The following KCNH7 variants were observed in gnomAD, a reference collection of about 807,000 sequenced individuals.
KCNH7 encodes voltage-gated inwardly rectifying potassium channel KCNH7.
Under a neutral mutation model 120.8 loss-of-function variants are expected in KCNH7, and 49 were observed. That is an observed-to-expected ratio of 0.41 (90% confidence interval 0.32 to 0.51). KCNH7 has a LOEUF of 0.51. Ranked by LOEUF, KCNH7 falls within the 20% of genes least tolerant of loss-of-function variation. The pLI is 0.38. For synonymous variants in KCNH7, 547 were observed against 516.1 expected (o/e 1.06, Z -0.81); for missense variants, 1,097 against 1,446.6 (o/e 0.76, Z 3.92).
intron 2 of KCNH7, among the ~76,000 whole-genome samples, chr2:162,807,270 A>AC (rs1472475926): frequency 7.1e-6 from 1 of 140,210 alleles, no homozygotes; most frequent in Non-Finnish European, 1.6e-5. Flanking sequence ...AAAAAAAAAA[A>AC]AAAAAAAAAA....
intron 2 of KCNH7, among the ~76,000 whole-genome samples, chr2:162,618,696 A>G (rs1683234569): frequency 6.6e-6 from 1 of 152,194 alleles, no homozygotes. Flanking sequence ...ATGTAAATAA[A>G]TTGATGGATC....
intron 9 of KCNH7, among the ~76,000 whole-genome samples, chr2:162,418,109 A>G (rs1274721773): frequency 1.3e-5 from 2 of 152,182 alleles, no homozygotes; most frequent in African/African-American, 4.8e-5. Flanking sequence ...CCTATCAACT[A>G]ATCTACATGC....
At chr2:162,823,597 C>G (rs544710233) in intron 2 of KCNH7, among the ~76,000 whole-genome samples, 23 of 152,140 alleles carry the variant, frequency 1.5e-4, no homozygotes, top group Non-Finnish European at 3.2e-4. Context: ...ATAACATAGT[C>G]TTTATTACAC....
chr2:162,397,715 G>A (rs1686955767), intron 10 of KCNH7, among the ~76,000 whole-genome samples: 1 of 151,798 alleles, frequency 6.6e-6, no homozygotes, highest in Non-Finnish European at 1.5e-5. Flanking sequence ...ATTTATTGAG[G>A]ACTAGTAGGT....
At position 162,423,386 on chromosome 2, in the gene KCNH7, C is replaced by T. The variant is rs767012676; in HGVS notation, c.2104G>A (p.Glu702Lys). Residue 702 changes from glutamate (E) to lysine (K), a missense_variant, in exon 9 of 16, where the codon GAA (glutamate) becomes AAA (lysine). Transcript: ENST00000332142. Reference protein sequence around the residue: ...IPNPLRQRLEEYFQHAWTYTN... With the variant: ...IPNPLRQRLEKYFQHAWTYTN... The stretch of plus-strand genomic sequence containing the variant: ...TAAGTCCATGCGTGCTGGAAATATT[C>T]TTCAAGACGTTGCCTCAGAGGGTTG... The T allele has an allele frequency of 1.1e-5, 18 of 1,613,996 alleles. No homozygotes were observed. In the South Asian group the frequency reaches 1.9e-4, roughly 17 times the overall value.
At chr2:162,804,722 T>C (rs1684474401) in intron 2 of KCNH7, among the ~76,000 whole-genome samples, 1 of 151,398 alleles carries the variant, frequency 6.6e-6, no homozygotes, top group African/African-American at 2.4e-5. Flanking sequence ...ACAAACATCA[T>C]TTTTCATAGA....
intron 2 of KCNH7, among the ~76,000 whole-genome samples, chr2:162,583,114 C>T (rs1017948589): frequency 6.6e-6 from 1 of 152,038 alleles, no homozygotes; most frequent in Non-Finnish European, 1.5e-5. Context: ...AAAAACCCCC[C>T]ACTATTTAAA....
chr2:162,589,310 C>G (rs1373578168), intron 2 of KCNH7, among the ~76,000 whole-genome samples: 3 of 152,024 alleles, frequency 2.0e-5, no homozygotes, highest in African/African-American at 4.8e-5. Context: ...AGAAGGCAGT[C>G]TCTTCAATGT....
At chr2:162,602,894 TGAGGAG>T (rs145044353) in intron 2 of KCNH7, among the ~76,000 whole-genome samples, 2 of 147,458 alleles carry the variant, frequency 1.4e-5, no homozygotes, top group Non-Finnish European at 3.0e-5. Context: ...CGTAAAAATG[TGAGGAG>T]GAGGAGGAGG....
chr2:162,674,683 A>G (rs990919353), intron 2 of KCNH7, among the ~76,000 whole-genome samples: 1 of 151,706 alleles, frequency 6.6e-6, no homozygotes, highest in African/African-American at 2.4e-5. Flanking sequence ...TTACAGAAAC[A>G]TTTCCATACA....
rs148909728 is a variant in KCNH7, at chr2:162,507,399, T to C, written c.914-2742A>G. Among the ~76,000 whole-genome samples, 851 of 151,758 alleles carry C rather than the reference T, an allele frequency of 5.6e-3. 12 individuals carry two copies. The highest frequency in any genetic ancestry group is 0.019 in the African/African-American group (808 of 41,516). ...ATGTATGTAAAATGATATCATACTA[T>C]GAAAAGGAACCTATCTCTTAAAAAT... On this transcript the variant is annotated intron_variant, in intron 5 of 15. Coordinates refer to ENST00000332142, the MANE Select transcript of KCNH7 (RefSeq NM_033272.4).
chr2:162,758,301 G>A (rs1247538982), intron 2 of KCNH7, among the ~76,000 whole-genome samples: 1 of 152,098 alleles, frequency 6.6e-6, no homozygotes, highest in Non-Finnish European at 1.5e-5. Flanking sequence ...AGTATAAGCA[G>A]CCAGGCTATA....
chr2:162,800,289 A>G (rs1170756620), intron 2 of KCNH7, among the ~76,000 whole-genome samples: 1 of 151,818 alleles, frequency 6.6e-6, no homozygotes, highest in Non-Finnish European at 1.5e-5. Flanking sequence ...ATTTAAATAG[A>G]GACGGGAAAT....
chr2:162,735,400 C>T (rs946608188), intron 2 of KCNH7, among the ~76,000 whole-genome samples: 4 of 152,110 alleles, frequency 2.6e-5, no homozygotes, highest in African/African-American at 9.7e-5. Context: ...AAATAACCTG[C>T]CATTGCTTTG....
At chr2:162,425,233 G>A (rs1687820486) in intron 8 of KCNH7, among the ~76,000 whole-genome samples, 1 of 151,922 alleles carries the variant, frequency 6.6e-6, no homozygotes, top group African/African-American at 2.4e-5. Flanking sequence ...CTATAACTGT[G>A]CGAGCCAATT....
chr2:162,814,462 C>A (rs537785571), intron 2 of KCNH7, among the ~76,000 whole-genome samples: 3 of 152,162 alleles, frequency 2.0e-5, no homozygotes, highest in Non-Finnish European at 4.4e-5. Context: ...CTCAAGTCTT[C>A]GCTTCTACTT....
At chr2:162,550,272 T>C (rs370323817) in intron 2 of KCNH7, among the ~76,000 whole-genome samples, 33 of 152,322 alleles carry the variant, frequency 2.2e-4, no homozygotes, top group Non-Finnish European at 4.1e-4. Context: ...AATATATGTC[T>C]GCTGCATTTC....
At chr2:162,625,776 T>C (rs1353693711) in intron 2 of KCNH7, among the ~76,000 whole-genome samples, 1 of 152,008 alleles carries the variant, frequency 6.6e-6, no homozygotes, top group South Asian at 2.1e-4. Flanking sequence ...GAAGCTATAA[T>C]AACAGGAAAT....
chr2:162,400,436 T>C lies in KCNH7; in HGVS notation c.2160A>G (p.Leu720=), dbSNP rs760878823. Residue 720 remains leucine (L), a synonymous_variant, in exon 10 of 16, where the codon CTA becomes CTG. Coordinates refer to ENST00000332142, the MANE Select transcript of KCNH7 (RefSeq NM_033272.4). The part of the protein sequence containing the change: ...YTNGIDMNMV[L]KGFPECLQAD... Reference sequence around the variant, plus strand: ...CTTGTAAGCATTCTGGGAAACCCTTTAGGACCTGAGGAAAAAAAGAAAGAG... The same window carrying C: ...CTTGTAAGCATTCTGGGAAACCCTTCAGGACCTGAGGAAAAAAAGAAAGAG... The C allele has an allele frequency of 1.9e-6, 3 of 1,611,440 alleles. No homozygotes were observed. In the Admixed American group the frequency reaches 5.0e-5, roughly 27 times the overall value.
Sources: allele counts gnomAD v4.1 joint callset (sites outside exome capture counted in the v4.1 genomes callset), GRCh38; gene constraint gnomAD v4.1.1; transcripts MANE v1.5; gene names NCBI Gene and HGNC (gene_info 2026-07-23, HGNC 2026-07-21).